The following ITPKB variants were observed in gnomAD, a reference collection of about 807,000 sequenced individuals.
ITPKB encodes IP3 3-kinase B.
A neutral mutation model predicts 69.4 loss-of-function variants in ITPKB; 13 were observed. The ratio of observed to expected loss-of-function variants is 0.19; its 90% CI spans 0.12 to 0.30. The LOEUF (loss-of-function observed/expected upper bound fraction) is 0.30, where lower values mean the gene tolerates loss of function less well. Ranked by LOEUF, ITPKB falls within the 10% of genes least tolerant of loss-of-function variation. The pLI is 1.00. For synonymous variants in ITPKB, 584 were observed against 513.7 expected (o/e 1.14, Z -1.85); for missense variants, 1,240 against 1,250.5 (o/e 0.99, Z 0.13).
Position 226,736,546 on chromosome 1 carries a change from C to A in ITPKB, c.913G>T (p.Glu305Ter). The change falls in exon 2 of 8, where the codon GAA becomes TAA. Residue 305 changes from glutamate (E) to a stop codon, truncating the protein, a stop_gained. Transcript: ENST00000429204. LOFTEE classifies it high-confidence loss of function. ...GTGGATGTAACTCTCGCTGCCACTTCCGTGGCCATCGTTAAGCTAGCTCCG... is the reference window on the plus strand; with the variant it reads ...GTGGATGTAACTCTCGCTGCCACTTACGTGGCCATCGTTAAGCTAGCTCCG... ...LFGASLTMAT[E>*]VAARVTSTGP... 6.2e-7 allele frequency: 1 copy of A among 1,614,004 alleles called. No individual in the cohort carries two copies.
In ITPKB at chr1:226,659,379, G is replaced by A. The variant is rs546909500; in HGVS notation, c.1933-10608C>T. 5.3e-5 allele frequency among the ~76,000 whole-genome samples: 8 copies of A among 152,108 alleles called. No homozygotes were observed. The South Asian group carries it at 1.7e-3, about 32-fold the overall frequency. ...CATAAGAGGGAGCAGGGTCCCTCCG[G>A]GATACAGAGCCACCCCCAGATACGG... On this transcript the variant is annotated intron_variant, in intron 2 of 7. Coordinates refer to ENST00000429204, the MANE Select transcript of ITPKB (RefSeq NM_002221.4).
At chr1:226,666,841 A>G (rs1312159518) in intron 2 of ITPKB, among the ~76,000 whole-genome samples, 1 of 152,096 alleles carries the variant, frequency 6.6e-6, no homozygotes, top group African/African-American at 2.4e-5. Flanking sequence ...GGCTTCCCTA[A>G]AGCCTGCAGG....
chr1:226,663,172 C>T (rs1482942715), intron 2 of ITPKB, among the ~76,000 whole-genome samples: 1 of 152,208 alleles, frequency 6.6e-6, no homozygotes, highest in Non-Finnish European at 1.5e-5. Context: ...AACAGATTGA[C>T]TCATCGCCCT....
intron 4 of ITPKB, among the ~76,000 whole-genome samples, chr1:226,646,147 G>A (rs892661777): frequency 1.4e-4 from 21 of 152,200 alleles, no homozygotes; most frequent in African/African-American, 4.1e-4. Context: ...CTGAGTCTCC[G>A]TGCCTGGCCT....
chr1:226,735,386 G>C, intron 2 of ITPKB, 141 bp downstream of exon 2: 1 of 944,410 alleles, frequency 1.1e-6, no homozygotes. Context: ...CACCTGGACA[G>C]AATTATTCAC....
chr1:226,717,091 A>G (rs1346675119), intron 2 of ITPKB, among the ~76,000 whole-genome samples: 1 of 152,156 alleles, frequency 6.6e-6, no homozygotes, highest in African/African-American at 2.4e-5. Flanking sequence ...CCGGGCAGAA[A>G]AACAAACATA....
At chr1:226,667,821 G>A (rs1669532720) in intron 2 of ITPKB, among the ~76,000 whole-genome samples, 1 of 127,222 alleles carries the variant, frequency 7.9e-6, no homozygotes, top group African/African-American at 3.0e-5. Flanking sequence ...AAAAAGATGA[G>A]GAAAATGTGT....
At chr1:226,651,282 C>T (rs1456813195) in intron 2 of ITPKB, among the ~76,000 whole-genome samples, 1 of 152,198 alleles carries the variant, frequency 6.6e-6, no homozygotes, top group Non-Finnish European at 1.5e-5. Context: ...CTCGGGAGAG[C>T]GTGGGGCGTT....
At chr1:226,690,619 C>T (rs1250092443) in intron 2 of ITPKB, among the ~76,000 whole-genome samples, 2 of 152,192 alleles carry the variant, frequency 1.3e-5, no homozygotes, top group Non-Finnish European at 2.9e-5. Context: ...AGATATAAAA[C>T]AGGACTTTTC....
intron 3 of ITPKB, 25 bp downstream of exon 3, chr1:226,648,647 G>T: frequency 7.0e-7 from 1 of 1,434,460 alleles, no homozygotes; most frequent in Non-Finnish European, 9.8e-7. Flanking sequence ...ACCATGCTGG[G>T]AAAGTCTGGG....
chr1:226,717,006 TTTTAG>T (rs1657112710), intron 2 of ITPKB, among the ~76,000 whole-genome samples: 1 of 152,246 alleles, frequency 6.6e-6, no homozygotes, highest in South Asian at 2.1e-4. Context: ...TAACCATGCC[TTTTAG>T]TTTCTTCTGA....
At chr1:226,636,704 C>G (rs1668842761) in intron 7 of ITPKB, among the ~76,000 whole-genome samples, 1 of 151,976 alleles carries the variant, frequency 6.6e-6, no homozygotes, top group Non-Finnish European at 1.5e-5. Context: ...CAGGATCCCG[C>G]TTCACACCCA....
Position 226,738,609 on chromosome 1 carries a change from G to A in ITPKB, c.-206+432C>T, listed in dbSNP as rs1657891828. ...TCGGAGGAACTTAGGGGCGTGCATG[G>A]CTGCAGCCGGGCAGCAGCCCTAGGT... On this transcript the variant is annotated intron_variant, in intron 1 of 7. Transcript: ENST00000429204. This position sits in a 1 kb window ranked among gnomAD's most constrained non-coding sequence, Gnocchi z 4.2. 6.6e-6 allele frequency among the ~76,000 whole-genome samples: 1 copy of A among 152,194 alleles called. No homozygotes were observed. The highest frequency in any genetic ancestry group is 2.4e-5 in the African/African-American group (1 of 41,458).
intron 6 of ITPKB, among the ~76,000 whole-genome samples, chr1:226,638,542 A>C (rs1668886313): frequency 6.6e-6 from 1 of 152,154 alleles, no homozygotes; most frequent in Non-Finnish European, 1.5e-5. Context: ...TGTCCCAGGG[A>C]GCCGTGCACT....
intron 2 of ITPKB, among the ~76,000 whole-genome samples, chr1:226,698,441 CG>C (rs1157941889): frequency 6.6e-6 from 1 of 152,162 alleles, no homozygotes; most frequent in Non-Finnish European, 1.5e-5. Flanking sequence ...CTTTCAGAAT[CG>C]TAAGACTGGA....
intron 2 of ITPKB, among the ~76,000 whole-genome samples, chr1:226,669,867 GT>G (rs542490005): frequency 1.8e-4 from 26 of 145,798 alleles, no homozygotes; most frequent in Admixed American, 5.5e-4. Flanking sequence ...TTTTTGGTTT[GT>G]TTTTTTTTTG....
At chr1:226,702,554 T>C (rs759432877) in intron 2 of ITPKB, among the ~76,000 whole-genome samples, 2 of 152,230 alleles carry the variant, frequency 1.3e-5, no homozygotes, top group Non-Finnish European at 2.9e-5. Context: ...CAACTGGCAC[T>C]AGGCCTAGAG....
intron 2 of ITPKB, among the ~76,000 whole-genome samples, chr1:226,725,433 C>T (rs547350082): frequency 2.0e-4 from 31 of 152,342 alleles, no homozygotes; most frequent in Non-Finnish European, 3.8e-4. Context: ...AGAAGAGGCA[C>T]CCAGTATATA....
chr1:226,671,411 T>C (rs535214543), intron 2 of ITPKB, among the ~76,000 whole-genome samples: 4 of 152,330 alleles, frequency 2.6e-5, no homozygotes, highest in African/African-American at 9.6e-5. Context: ...AAGAACCCAA[T>C]AAATGCTGTT....
Sources: allele counts gnomAD v4.1 joint callset (sites outside exome capture counted in the v4.1 genomes callset), GRCh38; gene constraint gnomAD v4.1.1; non-coding constraint Gnocchi (gnomAD v3.1); transcripts MANE v1.5; gene names NCBI Gene and HGNC (gene_info 2026-07-23, HGNC 2026-07-21).